FOXP2: variants seen among roughly 807,000 people sequenced by gnomAD.
FOXP2 encodes forkhead box protein P2.
FOXP2 carries 12 observed loss-of-function variants against 115.8 expected under a neutral mutation model. The observed-to-expected ratio is 0.10, with a 90% CI of 0.07 to 0.17. The LOEUF is 0.17. Among genes scored for constraint, FOXP2 ranks in the 10% least tolerant of loss-of-function variants. The probability of loss-of-function intolerance (pLI) is 1.00; values close to 1 mark genes in which losing one functional copy is unlikely to be tolerated. For synonymous variants in FOXP2, 328 were observed against 297.7 expected (o/e 1.10, Z -1.05); for missense variants, 629 against 843.5 (o/e 0.75, Z 3.15).
At chr7:114,174,453 C>A (rs918408630) in intron 1 of FOXP2, among the ~76,000 whole-genome samples, 12 of 151,866 alleles carry the variant, frequency 7.9e-5, no homozygotes, top group Non-Finnish European at 1.6e-4. Flanking sequence ...TTTATAAATC[C>A]TTAAAAGGGG....
intron 1 of FOXP2, among the ~76,000 whole-genome samples, chr7:114,138,358 GGTC>G (rs2129146581): frequency 6.6e-6 from 1 of 151,228 alleles, no homozygotes; most frequent in Non-Finnish European, 1.5e-5. Context: ...TATCCTCTGA[GGTC>G]CTCCTCCCCA....
At chr7:114,187,698 T>C (rs1044423817) in intron 1 of FOXP2, among the ~76,000 whole-genome samples, 3 of 152,238 alleles carry the variant, frequency 2.0e-5, no homozygotes, top group African/African-American at 7.2e-5. Context: ...TTTGTTATAG[T>C]AACAACCCCA....
intron 1 of FOXP2, among the ~76,000 whole-genome samples, chr7:114,157,670 T>A (rs1004874965): frequency 1.3e-5 from 2 of 152,130 alleles, no homozygotes; most frequent in African/African-American, 4.8e-5. Context: ...GGGAAATAGT[T>A]GGATGACTTG....
Position 114,527,283 on chromosome 7 carries a change from G to A in FOXP2, c.169-7334G>A, listed in dbSNP as rs73429336. 8.4e-3 allele frequency among the ~76,000 whole-genome samples: 1,271 copies of A among 152,050 alleles called. 14 individuals carry two copies. Among genetic ancestry groups the A allele is most frequent in the African/African-American group, 0.029 (1,212 of 41,522 alleles). On this transcript the variant is annotated intron_variant, in intron 2 of 16. Coordinates refer to ENST00000350908, the MANE Select transcript of FOXP2 (RefSeq NM_014491.4). The stretch of plus-strand genomic sequence containing the variant: ...GAACAATTATGTTCAACTTTTTGTG[G>A]GAATGTAAGTTTTTTTTTCTCTTGG...
At chr7:114,664,187 G>T in intron 15 of FOXP2, 86 bp from the exon 16 acceptor site, 1 of 1,394,534 alleles carries the variant, frequency 7.2e-7, no homozygotes, top group Non-Finnish European at 9.9e-7. Flanking sequence ...TTTCCTTATT[G>T]GAACCCATTA....
intron 2 of FOXP2, among the ~76,000 whole-genome samples, chr7:114,462,107 C>T (rs1795587710): frequency 6.6e-6 from 1 of 151,206 alleles, no homozygotes; most frequent in Admixed American, 6.6e-5. Context: ...TGGCGAAGCC[C>T]CCGTCTCTAC....
chr7:114,585,404 AGT>A (rs1802081049), intron 3 of FOXP2, among the ~76,000 whole-genome samples: 1 of 152,158 alleles, frequency 6.6e-6, no homozygotes, highest in South Asian at 2.1e-4. Context: ...CTTTAAACAA[AGT>A]GTGTTCTATG....
chr7:114,136,966 G>T (rs10464645), intron 1 of FOXP2, among the ~76,000 whole-genome samples: 1 of 151,726 alleles, frequency 6.6e-6, no homozygotes, highest in Non-Finnish European at 1.5e-5. Context: ...AAAGTGCTGA[G>T]GAATGTAGAC....
At chr7:114,087,187 G>C (rs530373059), upstream of FOXP2, among the ~76,000 whole-genome samples, 2 of 152,114 alleles carry the variant, frequency 1.3e-5, no homozygotes, top group Non-Finnish European at 2.9e-5. Context: ...GTCTAAGTTG[G>C]GCACTTCAGC....
At chr7:114,595,603 G>A (rs1802653364) in intron 3 of FOXP2, among the ~76,000 whole-genome samples, 1 of 152,008 alleles carries the variant, frequency 6.6e-6, no homozygotes, top group South Asian at 2.1e-4. Flanking sequence ...TAAGTTGTTT[G>A]TAAGGATTTT....
At chr7:114,629,677 T>C (rs757689553) in intron 4 of FOXP2, 128 bp from the exon 5 acceptor site, 29 of 1,601,058 alleles carry the variant, frequency 1.8e-5, no homozygotes, top group Non-Finnish European at 2.5e-5. Flanking sequence ...CCAATGTATA[T>C]TTTTTGTTGT....
At chr7:114,493,660 T>A (rs1348918569) in intron 2 of FOXP2, among the ~76,000 whole-genome samples, 1 of 146,926 alleles carries the variant, frequency 6.8e-6, no homozygotes, top group Non-Finnish European at 1.5e-5. Flanking sequence ...ACACACATAC[T>A]CTCTCTCTCT....
chr7:114,159,643 T>C (rs952027643), upstream of FOXP2, among the ~76,000 whole-genome samples: 8 of 152,004 alleles, frequency 5.3e-5, no homozygotes, highest in African/African-American at 1.2e-4. Flanking sequence ...ATAATTGCAA[T>C]AGGTATGAAC....
chr7:114,091,617 C>A (rs2129139135), intron 1 of FOXP2, among the ~76,000 whole-genome samples: 1 of 151,898 alleles, frequency 6.6e-6, no homozygotes, highest in South Asian at 2.1e-4. Context: ...ACCTCAATTT[C>A]ATCTTTAATA....
chr7:114,641,131 T>C (rs1234210536), intron 6 of FOXP2, among the ~76,000 whole-genome samples: 1 of 152,204 alleles, frequency 6.6e-6, no homozygotes, highest in Non-Finnish European at 1.5e-5. Flanking sequence ...CTGTGTGATC[T>C]TGGACATATT....
At position 114,255,094 on chromosome 7, in the gene FOXP2, C is replaced by A. The variant is rs548229975; in HGVS notation, c.-101-32925C>A. Among the ~76,000 whole-genome samples the A allele has an allele frequency of 2.0e-5, 3 of 152,282 alleles. No individual in the cohort carries two copies. In the South Asian group the frequency reaches 6.2e-4, roughly 32 times the overall value. On this transcript the variant is annotated intron_variant, in intron 1 of 17. Coordinates refer to the FOXP2 transcript ENST00000634411. ...TTTGCCTGGGTATCAGCAGTGGAGGCTGCAGAACAGCGAATATTGATGAAC... is the reference window on the plus strand; with the variant it reads ...TTTGCCTGGGTATCAGCAGTGGAGGATGCAGAACAGCGAATATTGATGAAC...
intron 1 of FOXP2, among the ~76,000 whole-genome samples, chr7:114,151,209 G>C (rs1364887309): frequency 2.0e-5 from 3 of 151,934 alleles, no homozygotes; most frequent in African/African-American, 7.2e-5. Flanking sequence ...TCCTCATCAT[G>C]AATGAGCAAA....
chr7:114,123,903 C>G (rs957489110), intron 1 of FOXP2, among the ~76,000 whole-genome samples: 2 of 152,016 alleles, frequency 1.3e-5, no homozygotes, highest in African/African-American at 4.8e-5. Flanking sequence ...AGAATCCATG[C>G]TTCTCGGAAG....
At chr7:114,442,337 G>A (rs1033033189) in intron 2 of FOXP2, among the ~76,000 whole-genome samples, 4 of 141,866 alleles carry the variant, frequency 2.8e-5, no homozygotes, top group Admixed American at 7.3e-5. Flanking sequence ...ATCTGCAAAC[G>A]GGCAAGAGGG....
Sources: gnomAD v4.1 joint callset for allele counts (sites outside exome capture counted in the v4.1 genomes callset) on GRCh38, gnomAD v4.1.1 for gene constraint, MANE v1.5 for transcripts, NCBI Gene and HGNC (gene_info 2026-07-23, HGNC 2026-07-21) for gene names.